The following SLC14A2 variants were observed in gnomAD, a reference collection of about 807,000 sequenced individuals.
SLC14A2 encodes the protein urea transporter 2.
Under a neutral mutation model 104.6 loss-of-function variants are expected in SLC14A2, and 91 were observed. The observed-to-expected ratio is 0.87, with a 90% CI of 0.73 to 1.04. The LOEUF (loss-of-function observed/expected upper bound fraction) is 1.04, where lower values mean the gene tolerates loss of function less well. Ranked by LOEUF, SLC14A2 falls within the 50% of genes least tolerant of loss-of-function variation. SLC14A2 has a pLI of 0.00. For missense variants in SLC14A2, 1,189 were observed against 1,156.0 expected (o/e 1.03, Z -0.41); for synonymous variants, 476 against 466.4 (o/e 1.02, Z -0.27).
At chr18:45,531,086 A>T (rs1196256338) in intron 2 of SLC14A2, among the ~76,000 whole-genome samples, 5 of 151,906 alleles carry the variant, frequency 3.3e-5, no homozygotes, top group Non-Finnish European at 7.4e-5. Context: ...CATTTTCTTA[A>T]TCCAGTCTAT....
chr18:45,224,906 G>A (rs935859743), intron 1 of SLC14A2, among the ~76,000 whole-genome samples: 19 of 152,026 alleles, frequency 1.2e-4, no homozygotes, highest in Non-Finnish European at 2.4e-4. Flanking sequence ...TTGTCAGATG[G>A]GTAGATTGTA....
chr18:45,274,220 C>G (rs1403937930), intron 1 of SLC14A2, among the ~76,000 whole-genome samples: 1 of 152,134 alleles, frequency 6.6e-6, no homozygotes, highest in African/African-American at 2.4e-5. Context: ...GGTTCTCTCA[C>G]CCATGTTGAC....
intron 1 of SLC14A2, among the ~76,000 whole-genome samples, chr18:45,424,709 C>A (rs897266603): frequency 1.3e-5 from 2 of 152,196 alleles, no homozygotes; most frequent in Non-Finnish European, 2.9e-5. Context: ...GTCACTGAAG[C>A]TCCAAGAAGG....
intron 1 of SLC14A2, among the ~76,000 whole-genome samples, chr18:45,405,203 C>A (rs1471049888): frequency 6.6e-6 from 1 of 152,136 alleles, no homozygotes; most frequent in African/African-American, 2.4e-5. Flanking sequence ...GAGGGAACAG[C>A]TCCAAGAACA....
chr18:45,509,326 A>T (rs984183969), intron 2 of SLC14A2, among the ~76,000 whole-genome samples: 2 of 151,644 alleles, frequency 1.3e-5, no homozygotes, highest in Admixed American at 1.3e-4. Flanking sequence ...CTGGCCATCA[A>T]TATCTGCTTG....
intron 1 of SLC14A2, among the ~76,000 whole-genome samples, chr18:45,479,501 T>C (rs2087451397): frequency 6.6e-6 from 1 of 152,206 alleles, no homozygotes; most frequent in Non-Finnish European, 1.5e-5. Context: ...TGACATCTCC[T>C]GCCTACTTTT....
rs559551521 is a variant in SLC14A2 at position 45,216,632 on chromosome 18, T to C, written c.-125+3441T>C. ...TTCTGCGGTATATGGGAACTCACAG[T>C]ACCGCTGCATGCAATGCACACATCA... On this transcript the variant is annotated intron_variant, in intron 1 of 20. Transcript: ENST00000586448. Among the ~76,000 whole-genome samples the C allele has an allele frequency of 5.3e-4, 80 of 152,310 alleles. 2 individuals are homozygous for C. Among genetic ancestry groups the C allele is most frequent in the Middle Eastern group, 6.8e-3 (2 of 294 alleles).
chr18:45,615,980 G>A (rs72908340), intron 1 of SLC14A2, among the ~76,000 whole-genome samples: 12,036 of 152,194 alleles, frequency 0.079, 639 homozygotes, highest in Non-Finnish European at 0.12. Flanking sequence ...GTGTGAGCAG[G>A]ATGTGTGTGA....
intron 2 of SLC14A2, among the ~76,000 whole-genome samples, chr18:45,543,013 A>G (rs753524208): frequency 2.6e-5 from 4 of 152,056 alleles, no homozygotes; most frequent in Admixed American, 6.5e-5. Flanking sequence ...CAGTGGCACA[A>G]TCTTGACTCA....
intron 1 of SLC14A2, among the ~76,000 whole-genome samples, chr18:45,353,801 T>C (rs2085525173): frequency 6.6e-6 from 1 of 152,244 alleles, no homozygotes; most frequent in South Asian, 2.1e-4. Flanking sequence ...ACCCCTGGAT[T>C]GACCAGCCTT....
At chr18:45,292,053 G>A (rs1230593684) in intron 1 of SLC14A2, among the ~76,000 whole-genome samples, 2 of 152,150 alleles carry the variant, frequency 1.3e-5, no homozygotes, top group Admixed American at 6.5e-5. Context: ...TGTATGCACT[G>A]TATTAGAGCA....
chr18:45,437,056 G>A (rs1264141523), intron 1 of SLC14A2, among the ~76,000 whole-genome samples: 2 of 152,114 alleles, frequency 1.3e-5, no homozygotes. Flanking sequence ...CCACTGCCTG[G>A]CCCACCCCAC....
At chr18:45,591,626 C>T (rs1038870860) in intron 2 of SLC14A2, among the ~76,000 whole-genome samples, 10 of 152,182 alleles carry the variant, frequency 6.6e-5, no homozygotes, top group Non-Finnish European at 1.3e-4. Context: ...TGAGCCACCA[C>T]GCCCAGCCGA....
intron 1 of SLC14A2, among the ~76,000 whole-genome samples, chr18:45,220,553 G>A (rs567025982): frequency 1.0e-5 from 1 of 99,002 alleles, no homozygotes; most frequent in African/African-American, 5.2e-5. Flanking sequence ...CAGTGAACCT[G>A]TCTGTCTTTC....
intron 1 of SLC14A2, among the ~76,000 whole-genome samples, chr18:45,369,029 T>G (rs2247326): frequency 0.44 from 66,476 of 151,936 alleles, 18,689 homozygotes; most frequent in African/African-American, 0.81. Context: ...ATGAGTGTTT[T>G]CAACCAGTCC....
At chr18:45,230,758 C>G (rs144915715) in intron 1 of SLC14A2, among the ~76,000 whole-genome samples, 2 of 152,118 alleles carry the variant, frequency 1.3e-5, no homozygotes, top group Admixed American at 1.3e-4. Flanking sequence ...CATAAAAATG[C>G]TTTTAAGAAA....
At position 45,379,010 on chromosome 18, in the gene SLC14A2, A is replaced by C. The variant is rs189818321; in HGVS notation, c.-124-104223A>C. On this transcript the variant is annotated intron_variant, in intron 1 of 20. Coordinates refer to the SLC14A2 transcript ENST00000586448. Reference sequence around the variant, plus strand: ...AAGGTAGTAAATGATCAAATAAAAAACACAACATAGAAAAGTGACTGAATC... The same window carrying C: ...AAGGTAGTAAATGATCAAATAAAAACCACAACATAGAAAAGTGACTGAATC... Among the ~76,000 whole-genome samples the C allele has an allele frequency of 3.1e-4, 47 of 152,340 alleles. 1 individual carries two copies. The highest frequency in any genetic ancestry group is 3.1e-3 in the Admixed American group (47 of 15,304).
intron 10 of SLC14A2, among the ~76,000 whole-genome samples, chr18:45,659,019 C>A (rs970389984): frequency 6.6e-6 from 1 of 152,136 alleles, no homozygotes; most frequent in Non-Finnish European, 1.5e-5. Context: ...CCTGAAAGGC[C>A]CCCAGGGTGA....
At chr18:45,196,015 G>C in the SLC14A2 span, among the ~76,000 whole-genome samples, 11 of 152,272 alleles carry the variant, frequency 7.2e-5, no homozygotes, top group South Asian at 8.3e-4. Context: ...AGAAAAAGGA[G>C]ACTGACATAC....
Sources: gnomAD v4.1 joint callset for allele counts (sites outside exome capture counted in the v4.1 genomes callset) on GRCh38, gnomAD v4.1.1 for gene constraint, MANE v1.5 for transcripts, NCBI Gene and HGNC (gene_info 2026-07-23, HGNC 2026-07-21) for gene names.